The following KDM1A variants were observed in gnomAD, a reference collection of about 807,000 sequenced individuals.
KDM1A encodes the protein lysine-specific histone demethylase 1A.
Under a neutral mutation model 109.4 loss-of-function variants are expected in KDM1A, and 49 were observed. The observed-to-expected ratio is 0.45, with a 90% CI of 0.36 to 0.57. The LOEUF (loss-of-function observed/expected upper bound fraction) is 0.57. Ranked by LOEUF, KDM1A falls within the 20% of genes least tolerant of loss-of-function variation. The pLI is 0.00. For missense variants in KDM1A, 668 were observed against 1,116.6 expected (o/e 0.60, Z 5.73); for synonymous variants, 380 against 415.4 (o/e 0.91, Z 1.04).
chr1:23,075,255 G>A (rs1320852245), intron 15 of KDM1A, among the ~76,000 whole-genome samples: 3 of 152,132 alleles, frequency 2.0e-5, no homozygotes, highest in Non-Finnish European at 4.4e-5. Flanking sequence ...AAGGCTTCTT[G>A]GACCAATCTC....
intron 1 of KDM1A, 115 bp downstream of exon 1, chr1:23,020,062 C>G: frequency 8.9e-7 from 1 of 1,125,744 alleles, no homozygotes; most frequent in South Asian, 2.3e-5. Context: ...CAGACCTCCC[C>G]TTGTATCGCT....
At chr1:23,042,452 T>A (rs1007476000) in intron 2 of KDM1A, among the ~76,000 whole-genome samples, 37 of 72,246 alleles carry the variant, frequency 5.1e-4, no homozygotes, top group South Asian at 2.2e-3. Flanking sequence ...TTTTTTTTTT[T>A]TTTTTTTTTT....
intron 2 of KDM1A, among the ~76,000 whole-genome samples, chr1:23,032,506 T>TG (rs5773031): frequency 0.37 from 56,548 of 151,942 alleles, 13,023 homozygotes; most frequent in East Asian, 0.56. Flanking sequence ...TCTTTGTTTT[T>TG]GGGGGGACGT....
In KDM1A at chr1:23,055,970, G is replaced by A. The variant is rs1459034117; in HGVS notation, c.922G>A (p.Val308Ile). ...AAAGGTAATTATTATAGGCTCTGGG[G>A]TCTCAGGCTTGGCAGCAGCTCGACA... ...TGKVIIIGSG[V>I]SGLAAARQLQ... Residue 308 changes from valine (V) to isoleucine (I), a missense_variant, in exon 7 of 21, where the codon GTC (valine) becomes ATC (isoleucine). This residue lies in a region of KDM1A where 53 missense variants were observed against 122.5 expected (regional missense o/e 0.43). Transcript: ENST00000400181. The A allele has an allele frequency of 1.9e-6, 3 of 1,612,954 alleles. 1 individual carries two copies. The Admixed American group carries it at 5.0e-5, about 27-fold the overall frequency.
In KDM1A at chr1:23,079,529, T is replaced by C; in HGVS notation, c.2056-24T>C. 3.8e-6 allele frequency: 6 copies of C among 1,580,920 alleles called. No individual in the cohort carries two copies. The highest frequency in any genetic ancestry group is 5.2e-6 in the Non-Finnish European group (6 of 1,152,676). On this transcript the variant is annotated intron_variant, in intron 17 of 20. Transcript: ENST00000400181. The surrounding 1 kb of genome is among the most constrained non-coding windows in gnomAD (Gnocchi z 5.6). ...GTATTATCTGGCCCCTGTCACTGGCTCATGTGCTTCTTTCTTATGGTAGGT... is the reference window on the plus strand; with the variant it reads ...GTATTATCTGGCCCCTGTCACTGGCCCATGTGCTTCTTTCTTATGGTAGGT...
Position 23,068,944 on chromosome 1 carries a change from G to A in KDM1A, c.1323-117G>A, listed in dbSNP as rs373559103. The A allele has an allele frequency of 2.3e-5, 16 of 688,684 alleles. No homozygotes were observed. The Admixed American group carries it at 2.6e-4, about 11-fold the overall frequency. 42.7% of individuals were successfully genotyped at this position (688,684 alleles called of 1,614,324 possible). ...TAATTTCCAACTAGCCAACTTTCTTGTTCCTAAGTATCAGAAGTTTCAGTG... is the reference window on the plus strand; with the variant it reads ...TAATTTCCAACTAGCCAACTTTCTTATTCCTAAGTATCAGAAGTTTCAGTG... On this transcript the variant is annotated intron_variant, in intron 11 of 20. Transcript: ENST00000400181.
At chr1:23,056,869 C>T (rs1642842640) in intron 7 of KDM1A, among the ~76,000 whole-genome samples, 1 of 151,194 alleles carries the variant, frequency 6.6e-6, no homozygotes, top group South Asian at 2.1e-4. Flanking sequence ...ATTAAATTAT[C>T]GCTACAACTC....
rs532200849 is a variant in KDM1A, at chr1:23,055,098, A to G, written c.820A>G (p.Ser274Gly). The change falls in exon 6 of 21, where the codon AGT becomes GGT. Residue 274 changes from serine to glycine, a missense_variant. Ser to Gly is a moderately conservative substitution (Grantham distance 56, BLOSUM62 0). Coordinates refer to ENST00000400181, the MANE Select transcript of KDM1A (RefSeq NM_001009999.3). ...SDTVLVHRVH[S>G]YLERHGLINF... is the part of the protein sequence containing the mutation. The stretch of plus-strand genomic sequence containing the variant: ...TACTGTGCTTGTCCACCGAGTTCAC[A>G]GTTATTTAGAGCGTCATGGTCTTAT... 33 of 1,612,486 alleles carry G rather than the reference A, an allele frequency of 2.0e-5. No homozygotes were observed. In the East Asian group the frequency reaches 6.9e-4, roughly 34 times the overall value.
In KDM1A at chr1:23,053,743, T is replaced by C; in HGVS notation, c.712-18T>C. 6.5e-7 allele frequency: 1 copy of C among 1,543,598 alleles called. No individual in the cohort carries two copies. The highest frequency in any genetic ancestry group is 9.0e-7 in the Non-Finnish European group (1 of 1,116,922). ...ATGTCTATTTGTATGTAATACAATT[T>C]ATGTCATTTAAATGCAGCTGCAGTT... On this transcript the variant is annotated intron_variant, in intron 4 of 20. Coordinates refer to ENST00000400181, the MANE Select transcript of KDM1A (RefSeq NM_001009999.3).
Position 23,021,439 on chromosome 1 carries a change from A to G in KDM1A, c.351+1492A>G, listed in dbSNP as rs1214271090. Reference sequence around the variant, plus strand: ...CACTTTGGGAGGCCAAGGCGGGTGGATCACCTGTGGTCAGGAGTTCGAGAC... The same window carrying G: ...CACTTTGGGAGGCCAAGGCGGGTGGGTCACCTGTGGTCAGGAGTTCGAGAC... On this transcript the variant is annotated intron_variant, in intron 1 of 20. Transcript: ENST00000400181. Among the ~76,000 whole-genome samples the G allele has an allele frequency of 2.6e-5, 4 of 152,200 alleles. No homozygotes were observed. The East Asian group carries it at 7.7e-4, about 29-fold the overall frequency.
At chr1:23,037,392 A>G (rs1433366339) in intron 2 of KDM1A, among the ~76,000 whole-genome samples, 1 of 152,078 alleles carries the variant, frequency 6.6e-6, no homozygotes, top group African/African-American at 2.4e-5. Flanking sequence ...AGAAATGTAT[A>G]GAAAGTATGG....
intron 4 of KDM1A, among the ~76,000 whole-genome samples, chr1:23,051,230 A>G (rs978338163): frequency 6.6e-5 from 10 of 152,192 alleles, no homozygotes; most frequent in Non-Finnish European, 1.0e-4. Flanking sequence ...CAGTGTCTGC[A>G]TAATATTTTG....
intron 9 of KDM1A, among the ~76,000 whole-genome samples, chr1:23,059,746 GATTAC>G (rs1194500417): frequency 6.6e-6 from 1 of 152,174 alleles, no homozygotes; most frequent in Non-Finnish European, 1.5e-5. Context: ...GATAAGCTTA[GATTAC>G]ATAAGTCAGT....
At chr1:23,026,318 G>T (rs1212568258) in intron 1 of KDM1A, among the ~76,000 whole-genome samples, 1 of 151,364 alleles carries the variant, frequency 6.6e-6, no homozygotes, top group Non-Finnish European at 1.5e-5. Context: ...TACATGAGAT[G>T]TTATGATATA....
Position 23,081,584 on chromosome 1 carries a change from A to G in KDM1A, c.2298+11A>G, listed in dbSNP as rs1643622683. The stretch of plus-strand genomic sequence containing the variant: ...AGTGCAGTACCTCAGGTAAGTAGGT[A>G]GGTGGGGCAAGGAGGGATCTAGGGT... On this transcript the variant is annotated intron_variant, in intron 19 of 20. Coordinates refer to ENST00000400181, the MANE Select transcript of KDM1A (RefSeq NM_001009999.3). 6 of 1,614,004 alleles carry G rather than the reference A, an allele frequency of 3.7e-6. No homozygotes were observed. Among genetic ancestry groups the G allele is most frequent in the South Asian group, 2.2e-5 (2 of 91,074 alleles).
intron 15 of KDM1A, 100 bp from the exon 16 acceptor site, chr1:23,077,127 GT>G (rs1171263644): frequency 8.8e-7 from 1 of 1,140,046 alleles, no homozygotes; most frequent in African/African-American, 1.6e-5. Context: ...AATATTGACT[GT>G]TTCCACAAGC....
At chr1:23,082,018 CA>C in intron 19 of KDM1A, 1 of 420,016 alleles carries the variant, frequency 2.4e-6, no homozygotes, top group Non-Finnish European at 4.1e-6. Flanking sequence ...AGGAAGGCAA[CA>C]TGGAGGGGCA....
chr1:23,026,338 C>A (rs1048934963), intron 1 of KDM1A, among the ~76,000 whole-genome samples: 3 of 150,098 alleles, frequency 2.0e-5, no homozygotes, highest in Non-Finnish European at 4.4e-5. Flanking sequence ...AGGAATGCAA[C>A]GTGAAAGGAA....
rs769685262 is a variant in KDM1A, at chr1:23,079,049, G to A, written c.1927G>A (p.Asp643Asn). 5 of 1,614,126 alleles carry A rather than the reference G, an allele frequency of 3.1e-6. No homozygotes were observed. The highest frequency in any genetic ancestry group is 1.7e-5 in the Admixed American group (1 of 60,026). The part of the protein sequence containing the change: ...STSQTFIYKC[D>N]AVLCTLPLGV... ...GAGTCAAACCTTTATTTATAAATGC[G>A]ACGCAGTTCTCTGTACCCTTCCCCT... is the stretch of plus-strand genomic sequence containing the variant. The change falls in exon 17 of 21, where the codon GAC (aspartate) becomes AAC (asparagine). Residue 643 changes from aspartate to asparagine, a missense_variant. Asp to Asn is a conservative substitution (Grantham distance 23, BLOSUM62 1). Transcript: ENST00000400181. The surrounding 1 kb of genome is among the most constrained non-coding windows in gnomAD (Gnocchi z 5.6).
Sources: allele counts gnomAD v4.1 joint callset (sites outside exome capture counted in the v4.1 genomes callset), GRCh38; gene constraint gnomAD v4.1.1; regional missense constraint gnomAD v4.1.1; non-coding constraint Gnocchi (gnomAD v3.1); transcripts MANE v1.5; gene names NCBI Gene and HGNC (gene_info 2026-07-23, HGNC 2026-07-21).